The following BTRC variants were observed in gnomAD, a reference collection of about 807,000 sequenced individuals.
The protein encoded by BTRC is beta-transducin repeat containing E3 ubiquitin protein ligase.
In BTRC, 42 loss-of-function variants were observed where a neutral mutation model predicts 85.5. The ratio of observed to expected loss-of-function variants is 0.49; its 90% confidence interval spans 0.38 to 0.64. The LOEUF (loss-of-function observed/expected upper bound fraction) is 0.64. Ranked by LOEUF, BTRC falls within the 30% of genes least tolerant of loss-of-function variation. BTRC has a pLI of 0.00. For synonymous variants in BTRC, 255 were observed against 263.3 expected, an observed-to-expected ratio of 0.97 and a Z score of 0.30; for missense variants, 594 against 743.5, an observed-to-expected ratio of 0.80 and a Z score of 2.34.
At chr10:101,393,467 G>A (rs1328815684) in intron 1 of BTRC, among the ~76,000 whole-genome samples, 1 of 152,062 alleles carries the variant, frequency 6.6e-6, no homozygotes, top group African/African-American at 2.4e-5. Flanking sequence ...TGAGGCCCGA[G>A]GCTCTCTTTT....
chr10:101,532,243 T>C (rs1413411538), intron 7 of BTRC, 52 bp from the exon 8 acceptor site: 1 of 1,549,812 alleles, frequency 6.5e-7, no homozygotes, highest in Non-Finnish European at 8.7e-7. Flanking sequence ...CTAAAAAGAG[T>C]TTGATTCTAG....
chr10:101,455,536 G>A (rs139525100), intron 2 of BTRC, among the ~76,000 whole-genome samples: 25 of 152,124 alleles, frequency 1.6e-4, no homozygotes, highest in East Asian at 1.2e-3. Context: ...CAGGTTAGGC[G>A]TAAGGGGATA....
chr10:101,418,637 CAT>C (rs1200341443), intron 1 of BTRC, among the ~76,000 whole-genome samples: 1 of 151,388 alleles, frequency 6.6e-6, no homozygotes, highest in African/African-American at 2.4e-5. Context: ...TTTTGCCAAA[CAT>C]ATATATGTTT....
chr10:101,478,295 C>T (rs1945744131), intron 3 of BTRC, among the ~76,000 whole-genome samples: 1 of 147,500 alleles, frequency 6.8e-6, no homozygotes, highest in South Asian at 2.2e-4. Flanking sequence ...AGCAAGACTC[C>T]ATCTCAAAAA....
chr10:101,369,619 TG>T (rs1223640745), intron 1 of BTRC, among the ~76,000 whole-genome samples: 3 of 152,200 alleles, frequency 2.0e-5, no homozygotes, highest in African/African-American at 7.2e-5. Context: ...CAGATCTGGG[TG>T]TTAAGCGTGC....
chr10:101,474,113 G>C (rs1156753204), intron 3 of BTRC, among the ~76,000 whole-genome samples: 1 of 151,776 alleles, frequency 6.6e-6, no homozygotes, highest in African/African-American at 2.4e-5. Context: ...GTTGGTTTTT[G>C]GTTCATTTTT....
intron 1 of BTRC, among the ~76,000 whole-genome samples, chr10:101,412,875 C>T (rs1042562557): frequency 6.6e-6 from 1 of 152,040 alleles, no homozygotes; most frequent in African/African-American, 2.4e-5. Context: ...CAATGTTAAG[C>T]CCACATGATA....
At chr10:101,450,054 T>A (rs1944921291) in intron 2 of BTRC, among the ~76,000 whole-genome samples, 2 of 152,028 alleles carry the variant, frequency 1.3e-5, no homozygotes, top group South Asian at 4.1e-4. Context: ...TTGTTTGTTT[T>A]TAAATTAAGG....
At chr10:101,498,679 G>A (rs1284457774) in intron 4 of BTRC, among the ~76,000 whole-genome samples, 1 of 152,038 alleles carries the variant, frequency 6.6e-6, no homozygotes, top group East Asian at 1.9e-4. Flanking sequence ...TGTTGAGATG[G>A]TTTCTTGGTG....
intron 1 of BTRC, among the ~76,000 whole-genome samples, chr10:101,375,839 A>G (rs1211196397): frequency 6.6e-6 from 1 of 152,212 alleles, no homozygotes; most frequent in African/African-American, 2.4e-5. Flanking sequence ...TGGCATGTTC[A>G]GCAAGCATAT....
At chr10:101,482,178 C>G (rs1007395845) in intron 4 of BTRC, among the ~76,000 whole-genome samples, 1 of 151,944 alleles carries the variant, frequency 6.6e-6, no homozygotes, top group African/African-American at 2.4e-5. Flanking sequence ...TGTCACCACA[C>G]CCAGCTAATT....
At chr10:101,364,292 A>G (rs1170484033) in intron 1 of BTRC, among the ~76,000 whole-genome samples, 2 of 152,160 alleles carry the variant, frequency 1.3e-5, no homozygotes, top group African/African-American at 4.8e-5. Flanking sequence ...GTTATGTAGA[A>G]AAAAAGCATA....
intron 1 of BTRC, among the ~76,000 whole-genome samples, chr10:101,382,324 A>T (rs1415371013): frequency 2.6e-5 from 4 of 151,898 alleles, no homozygotes; most frequent in Admixed American, 1.3e-4. Context: ...AAAATCCAGG[A>T]TCCAATCATG....
intron 4 of BTRC, among the ~76,000 whole-genome samples, chr10:101,498,209 G>A (rs531937824): frequency 3.3e-5 from 5 of 151,880 alleles, no homozygotes; most frequent in Non-Finnish European, 5.9e-5. Context: ...GCTGGAGTGC[G>A]GTGGCGTGAT....
intron 4 of BTRC, among the ~76,000 whole-genome samples, chr10:101,483,298 T>A (rs571540576): frequency 6.6e-6 from 1 of 151,794 alleles, no homozygotes; most frequent in East Asian, 1.9e-4. Flanking sequence ...TAAGAAAAAA[T>A]TTAAAACTAA....
chr10:101,528,934 G>C (rs1327070632), intron 6 of BTRC, among the ~76,000 whole-genome samples: 2 of 152,096 alleles, frequency 1.3e-5, no homozygotes, highest in Non-Finnish European at 2.9e-5. Flanking sequence ...AGATGGATTT[G>C]ACAGTCTTCC....
intron 13 of BTRC, among the ~76,000 whole-genome samples, chr10:101,542,181 A>G (rs1290123393): frequency 1.3e-5 from 2 of 152,182 alleles, no homozygotes; most frequent in Non-Finnish European, 2.9e-5. Flanking sequence ...TTTTATCTAA[A>G]TTATGAAATT....
At chr10:101,516,709 C>A (rs988974433) in intron 4 of BTRC, among the ~76,000 whole-genome samples, 5 of 152,150 alleles carry the variant, frequency 3.3e-5, no homozygotes, top group African/African-American at 1.2e-4. Context: ...CTTTTTAAAT[C>A]CTTAGGCAGT....
intron 7 of BTRC, 89 bp from the exon 8 acceptor site, chr10:101,532,206 C>A: frequency 7.2e-7 from 1 of 1,389,326 alleles, no homozygotes; most frequent in Non-Finnish European, 9.8e-7. Context: ...TAGAGTAAAG[C>A]ATTGAGCCAT....
Sources: gnomAD v4.1 joint callset for allele counts (sites outside exome capture counted in the v4.1 genomes callset) on GRCh38, gnomAD v4.1.1 for gene constraint, MANE v1.5 for transcripts, NCBI Gene and HGNC (gene_info 2026-07-23, HGNC 2026-07-21) for gene names.